FAAH2: variants seen among roughly 807,000 people sequenced by gnomAD.
FAAH2 encodes the protein fatty-acid amide hydrolase 2.
FAAH2 carries 60 observed loss-of-function variants against 36.9 expected under a neutral mutation model. The observed-to-expected ratio is 1.63, with a 90% confidence interval of 1.32 to 2.02. The LOEUF (loss-of-function observed/expected upper bound fraction) is 2.02. Ranked by LOEUF, FAAH2 falls within the 30% of genes most tolerant of loss-of-function variation. The probability of loss-of-function intolerance (pLI) is 0.00; values close to 1 mark genes in which losing one functional copy is unlikely to be tolerated. For missense variants in FAAH2, 689 were observed against 397.5 expected (o/e 1.73, Z -6.23); for synonymous variants, 214 against 143.8 (o/e 1.49, Z -3.49).
intron 5 of FAAH2, among the ~76,000 whole-genome samples, chrX:57,348,835 A>T (rs773257564): frequency 9.1e-6 from 1 of 109,351 alleles, no homozygotes; most frequent in East Asian, 2.9e-4. Context: ...TTGTTACACC[A>T]GATGCAGAGA....
chrX:57,260,318 C>G, the FAAH2 span, among the ~76,000 whole-genome samples: 3 of 111,455 alleles, frequency 2.7e-5, no homozygotes, highest in Admixed American at 2.9e-4. Flanking sequence ...GGTACCAAGA[C>G]AATTTAATTT....
chrX:57,381,507 A>G (rs1172343110), intron 7 of FAAH2: 2 of 665,814 alleles, frequency 3.0e-6, no homozygotes, highest in African/African-American at 4.7e-5. Flanking sequence ...CCAAATTTTA[A>G]AAGTAATTTT....
At chrX:57,260,765 ATATATGAATGGTAAATAAGTG>A in the FAAH2 span, among the ~76,000 whole-genome samples, 1 of 111,395 alleles carries the variant, frequency 9.0e-6, no homozygotes, top group Non-Finnish European at 1.9e-5. Flanking sequence ...GTGTGTATAT[ATATATGAATGGTAAATAAGTG>A]TATAAAATAT....
At chrX:57,334,115 CA>C (rs1213955281) in intron 4 of FAAH2, among the ~76,000 whole-genome samples, 1 of 110,295 alleles carries the variant, frequency 9.1e-6, no homozygotes, top group African/African-American at 3.3e-5. Context: ...ACTAAAAATA[CA>C]AAAATTAGCC....
chrX:57,181,545 G>A, the FAAH2 span, among the ~76,000 whole-genome samples: 1 of 110,878 alleles, frequency 9.0e-6, no homozygotes, highest in Non-Finnish European at 1.9e-5. Flanking sequence ...ATCTCTACAA[G>A]GATAACTACA....
At chrX:57,130,252 G>A in the FAAH2 span, among the ~76,000 whole-genome samples, 1 of 112,241 alleles carries the variant, frequency 8.9e-6, no homozygotes. Context: ...GCAGGAGGGC[G>A]GCATTATCTG....
chrX:57,458,683 G>T (rs1308136904), intron 10 of FAAH2, among the ~76,000 whole-genome samples: 2 of 111,607 alleles, frequency 1.8e-5, no homozygotes, highest in Non-Finnish European at 3.8e-5. Flanking sequence ...ACCATGGAGG[G>T]CGAGCAGAAG....
intron 2 of FAAH2, among the ~76,000 whole-genome samples, chrX:57,299,021 A>G (rs752052813): frequency 1.8e-5 from 2 of 111,732 alleles, no homozygotes; most frequent in South Asian, 7.5e-4. Context: ...ATTCTACCAG[A>G]GGTACAAGGA....
chrX:57,149,512 C>G, the FAAH2 span, among the ~76,000 whole-genome samples: 3 of 111,638 alleles, frequency 2.7e-5, no homozygotes, highest in African/African-American at 6.5e-5. Flanking sequence ...AGGAATTTAT[C>G]CATTTCTTCT....
chrX:57,325,071 G>A (rs2146967764), intron 3 of FAAH2, among the ~76,000 whole-genome samples: 2 of 112,047 alleles, frequency 1.8e-5, no homozygotes, highest in African/African-American at 6.5e-5. Context: ...TTTGTCAAAG[G>A]CCTTTTCTGC....
At chrX:57,474,119 G>A (rs1602791186) in intron 10 of FAAH2, among the ~76,000 whole-genome samples, 2 of 111,996 alleles carry the variant, frequency 1.8e-5, no homozygotes, top group Non-Finnish European at 3.8e-5. Context: ...GTCTTTGTCT[G>A]ACAGTGAGTA....
Position 57,336,815 on chromosome X carries a change from C to T in FAAH2, c.623-4456C>T, listed in dbSNP as rs917966282. 2.7e-5 allele frequency among the ~76,000 whole-genome samples: 3 copies of T among 110,702 alleles called. No individual in the cohort carries two copies. In the East Asian group the frequency reaches 8.5e-4, roughly 31 times the overall value. ...AGCTAGAAAGGTCTAAAACTGACAACCTAACATCACAACTAAAAGAAGTAG... is the reference window on the plus strand; with the variant it reads ...AGCTAGAAAGGTCTAAAACTGACAATCTAACATCACAACTAAAAGAAGTAG... On this transcript the variant is annotated intron_variant, in intron 4 of 10. Coordinates refer to ENST00000374900, the MANE Select transcript of FAAH2 (RefSeq NM_174912.4).
chrX:57,428,796 C>T (rs1237609161), intron 7 of FAAH2, among the ~76,000 whole-genome samples: 1 of 111,686 alleles, frequency 9.0e-6, no homozygotes, highest in East Asian at 2.8e-4. Context: ...AGGAAGAAAA[C>T]AGGGAAAACT....
chrX:57,463,346 G>T (rs776740471), intron 10 of FAAH2, among the ~76,000 whole-genome samples: 1 of 110,807 alleles, frequency 9.0e-6, no homozygotes, highest in African/African-American at 3.3e-5. Flanking sequence ...AGCCCATATA[G>T]CCAAGAAAAC....
the FAAH2 span, chrX:57,136,942 C>A: frequency 1.2e-6 from 1 of 846,156 alleles, no homozygotes; most frequent in Non-Finnish European, 1.6e-6. Flanking sequence ...CCTTGACCAG[C>A]ACCCACTACC....
At chrX:57,425,391 A>G (rs1352547659) in intron 7 of FAAH2, among the ~76,000 whole-genome samples, 1 of 111,557 alleles carries the variant, frequency 9.0e-6, no homozygotes, top group Non-Finnish European at 1.9e-5. Context: ...AATTATTGCA[A>G]GAAAGTACTT....
Position 57,426,306 on chromosome X carries a change from A to G in FAAH2, c.997-5612A>G, listed in dbSNP as rs775742851. 2.7e-3 allele frequency among the ~76,000 whole-genome samples: 301 copies of G among 112,185 alleles called. 1 individual carries two copies. The highest frequency in any genetic ancestry group is 9.2e-3 in the African/African-American group (285 of 31,013). On this transcript the variant is annotated intron_variant, in intron 7 of 10. Coordinates refer to ENST00000374900, the MANE Select transcript of FAAH2 (RefSeq NM_174912.4). ...TAAGGAAAGATATAGCAATACAATA[A>G]TAGCTGGAGACTTCAACACTCCAGT... is the stretch of plus-strand genomic sequence containing the variant.
At chrX:57,195,008 C>T in the FAAH2 span, among the ~76,000 whole-genome samples, 2 of 110,658 alleles carry the variant, frequency 1.8e-5, no homozygotes, top group African/African-American at 6.6e-5. Context: ...TTTATCTACT[C>T]ATTGATTGAT....
chrX:57,138,252 T>C, the FAAH2 span, among the ~76,000 whole-genome samples: 1 of 111,690 alleles, frequency 9.0e-6, no homozygotes, highest in South Asian at 3.7e-4. Context: ...CCTATAATTC[T>C]GAAAATAATC....
Sources: allele counts gnomAD v4.1 joint callset (sites outside exome capture counted in the v4.1 genomes callset), GRCh38; gene constraint gnomAD v4.1.1; transcripts MANE v1.5; gene names NCBI Gene and HGNC (gene_info 2026-07-23, HGNC 2026-07-21).